The following ACTL6B variants were observed in gnomAD, a reference collection of about 807,000 sequenced individuals.
ACTL6B encodes the protein actin-like protein 6B.
ACTL6B carries 48 observed loss-of-function variants against 63.3 expected under a neutral mutation model. The observed-to-expected ratio is 0.76, with a 90% confidence interval of 0.60 to 0.96. The LOEUF is 0.96. Ranked by LOEUF, ACTL6B falls within the 50% of genes least tolerant of loss-of-function variation. The probability of loss-of-function intolerance (pLI) is 0.00; values close to 1 mark genes in which losing one functional copy is unlikely to be tolerated. For missense variants in ACTL6B, 350 were observed against 572.2 expected (o/e 0.61, Z 3.96); for synonymous variants, 230 against 223.8 (o/e 1.03, Z -0.25).
intron 4 of ACTL6B, among the ~76,000 whole-genome samples, chr7:100,654,468 A>T (rs908473311): frequency 5.3e-5 from 7 of 132,918 alleles, no homozygotes; most frequent in African/African-American, 1.8e-4. Context: ...TAATAATAAT[A>T]ATAAGTGAAA....
chr7:100,654,110 C>T (rs969628467), intron 4 of ACTL6B, among the ~76,000 whole-genome samples: 6 of 151,780 alleles, frequency 4.0e-5, no homozygotes, highest in Non-Finnish European at 7.4e-5. Context: ...GTAGCTGGGA[C>T]TACAGGTGCC....
At chr7:100,643,353 C>G (rs1234143214) in intron 13 of ACTL6B, 27 bp from the exon 14 acceptor site, 2 of 1,612,004 alleles carry the variant, frequency 1.2e-6, no homozygotes, top group Non-Finnish European at 1.7e-6. Flanking sequence ...ATATCAGGGT[C>G]AGGGTGGCCT....
chr7:100,656,307 C>G lies in ACTL6B; in HGVS notation c.25+23G>C, dbSNP rs1001428080. On this transcript the variant is annotated intron_variant, in intron 1 of 13. Coordinates refer to ENST00000160382, the MANE Select transcript of ACTL6B (RefSeq NM_016188.5). ...GGTTTGGAACGCAGGGCTGCGGGAG[C>G]CGGGGGCCCGAGGCTCGCTCACCTC... 2.9e-6 allele frequency: 4 copies of G among 1,378,594 alleles called. No homozygotes were observed. In the East Asian group the frequency reaches 1.2e-4, roughly 42 times the overall value. The allele number at this position is 1,378,594 out of a possible 1,614,324, so 85.4% of individuals were successfully genotyped here.
Position 100,647,393 on chromosome 7 carries a change from C to T in ACTL6B, c.759+51G>A, listed in dbSNP as rs1562848520. On this transcript the variant is annotated intron_variant, in intron 8 of 13. Coordinates refer to ENST00000160382, the MANE Select transcript of ACTL6B (RefSeq NM_016188.5). This position sits in a 1 kb window ranked among gnomAD's most constrained non-coding sequence, Gnocchi z 4.4. ...CCATGCGGGGCCTCTGTCCCGCCCC[C>T]GATTCATGGCAGGGGAGGGGGGTTT... 6.3e-6 allele frequency: 10 copies of T among 1,597,634 alleles called. No individual in the cohort carries two copies. The highest frequency in any genetic ancestry group is 1.1e-5 in the South Asian group (1 of 90,578).
chr7:100,655,354 G>T lies in ACTL6B; in HGVS notation c.268+67C>A. On this transcript the variant is annotated intron_variant, in intron 3 of 13. Transcript: ENST00000160382. The surrounding 1 kb of genome is among the most constrained non-coding windows in gnomAD (Gnocchi z 4.4). Reference sequence around the variant, plus strand: ...GAAGACTCCGCGGGGAGTGGGGGCTGCTATGACCCAGATTGTGGGGAGCGG... The same window carrying T: ...GAAGACTCCGCGGGGAGTGGGGGCTTCTATGACCCAGATTGTGGGGAGCGG... The T allele has an allele frequency of 6.5e-7, 1 of 1,542,962 alleles. No individual in the cohort carries two copies. Among genetic ancestry groups the T allele is most frequent in the Non-Finnish European group, 8.8e-7 (1 of 1,135,046 alleles).
chr7:100,648,362 G>T lies in ACTL6B; in HGVS notation c.669+194C>A, dbSNP rs1301056862. On this transcript the variant is annotated intron_variant, in intron 7 of 13. Coordinates refer to ENST00000160382, the MANE Select transcript of ACTL6B (RefSeq NM_016188.5). This position sits in a 1 kb window ranked among gnomAD's most constrained non-coding sequence, Gnocchi z 4.4. ...TCACACATCCTGCTGTCTGCCAGCTGGTTTCATGACCTCAGCATATCCCTC... is the reference window on the plus strand; with the variant it reads ...TCACACATCCTGCTGTCTGCCAGCTTGTTTCATGACCTCAGCATATCCCTC... The T allele has an allele frequency of 1.9e-6, 1 of 538,254 alleles. No individual in the cohort carries two copies. The highest frequency in any genetic ancestry group is 3.4e-5 in the Admixed American group (1 of 29,130). The allele number at this position is 538,254 out of a possible 1,614,324, so 33.3% of individuals were successfully genotyped here.
intron 4 of ACTL6B, among the ~76,000 whole-genome samples, chr7:100,654,553 G>A (rs1371285652): frequency 4.0e-5 from 6 of 151,784 alleles, no homozygotes; most frequent in Non-Finnish European, 1.5e-5. Flanking sequence ...GGCCAAGGCG[G>A]GTGGATCACC....
In ACTL6B at chr7:100,646,065, C is replaced by T. The variant is rs562518073; in HGVS notation, c.1200+184G>A. ...GGATGACAGGTGTGGGCCACCATAC[C>T]GGGCCCCTGCCCCCCGATTTGTGTC... On this transcript the variant is annotated intron_variant, in intron 13 of 13. Coordinates refer to ENST00000160382, the MANE Select transcript of ACTL6B (RefSeq NM_016188.5). This position sits in a 1 kb window ranked among gnomAD's most constrained non-coding sequence, Gnocchi z 6.1. Among the ~76,000 whole-genome samples the T allele has an allele frequency of 3.7e-4, 57 of 152,362 alleles. No homozygotes were observed. The highest frequency in any genetic ancestry group is 1.3e-3 in the African/African-American group (52 of 41,594).
Position 100,655,059 on chromosome 7 carries a change from G to T in ACTL6B, c.329C>A (p.Ser110Tyr). The change falls in exon 4 of 14, where the codon TCT (serine) becomes TAT (tyrosine). Residue 110 changes from serine (S) to tyrosine (Y), a missense_variant. By Grantham distance (144) the Ser-to-Tyr change is moderately radical. Coordinates refer to ENST00000160382, the MANE Select transcript of ACTL6B (RefSeq NM_016188.5). This position sits in a 1 kb window ranked among gnomAD's most constrained non-coding sequence, Gnocchi z 4.4. Reference protein sequence around the residue: ...LDHTYSKHVKSEPNLHPVLMS... With the variant: ...LDHTYSKHVKYEPNLHPVLMS... ...GAGCACTGGGTGCAGGTTTGGCTCA[G>T]ACTTGACGTGTTTGCTGTAGGTGTG... is the stretch of plus-strand genomic sequence containing the variant. 1 of 1,614,116 alleles carries T rather than the reference G, an allele frequency of 6.2e-7. No individual in the cohort carries two copies.
At chr7:100,645,785 C>T (rs779715113) in intron 13 of ACTL6B, among the ~76,000 whole-genome samples, 11 of 152,078 alleles carry the variant, frequency 7.2e-5, no homozygotes, top group Non-Finnish European at 1.6e-4. Flanking sequence ...GCATGCACCA[C>T]CATGCCTGGC....
At chr7:100,653,706 A>AT (rs1803984215) in intron 4 of ACTL6B, among the ~76,000 whole-genome samples, 1 of 152,002 alleles carries the variant, frequency 6.6e-6, no homozygotes, top group Admixed American at 6.6e-5. Context: ...AACAACAACA[A>AT]CAAAACCCAC....
rs1803845490 is a variant in ACTL6B, at chr7:100,647,422, G to A, written c.759+22C>T. ...TCATGGCAGGGGAGGGGGGTTTCAGGTGGCCCTCTCCAGAGGCTCACATTA... is the reference window on the plus strand; with the variant it reads ...TCATGGCAGGGGAGGGGGGTTTCAGATGGCCCTCTCCAGAGGCTCACATTA... On this transcript the variant is annotated intron_variant, in intron 8 of 13. Transcript: ENST00000160382. This position sits in a 1 kb window ranked among gnomAD's most constrained non-coding sequence, Gnocchi z 4.4. The A allele has an allele frequency of 3.1e-6, 5 of 1,608,468 alleles. No individual in the cohort carries two copies. Among genetic ancestry groups the A allele is most frequent in the Non-Finnish European group, 4.3e-6 (5 of 1,175,630 alleles).
chr7:100,645,851 C>T (rs1403318616), intron 13 of ACTL6B, among the ~76,000 whole-genome samples: 1 of 152,250 alleles, frequency 6.6e-6, no homozygotes, highest in Non-Finnish European at 1.5e-5. Flanking sequence ...AGGCTGGTCT[C>T]GAACTCCTGA....
At chr7:100,656,230 G>C (rs567617154) in intron 1 of ACTL6B, 100 bp downstream of exon 1, 1 of 1,283,750 alleles carries the variant, frequency 7.8e-7, no homozygotes, top group African/African-American at 1.6e-5. Flanking sequence ...CGACCCGCTC[G>C]TGCGCGGAGG....
chr7:100,655,691 A>T lies in ACTL6B; in HGVS notation c.103-105T>A. The T allele has an allele frequency of 6.6e-7, 1 of 1,512,818 alleles. No individual in the cohort carries two copies. The highest frequency in any genetic ancestry group is 8.9e-7 in the Non-Finnish European group (1 of 1,125,462). The allele number at this position is 1,512,818 out of a possible 1,614,324, so 93.7% of individuals were successfully genotyped here. On this transcript the variant is annotated intron_variant, in intron 2 of 13. Transcript: ENST00000160382. This position sits in a 1 kb window ranked among gnomAD's most constrained non-coding sequence, Gnocchi z 4.4. ...TCAGACCGCCCCTGGGTTTATTCCCATATTCCCGCTCAGCAGAGCTTCTGG... is the reference window on the plus strand; with the variant it reads ...TCAGACCGCCCCTGGGTTTATTCCCTTATTCCCGCTCAGCAGAGCTTCTGG...
chr7:100,649,313 ATT>A (rs567700079), intron 5 of ACTL6B, among the ~76,000 whole-genome samples: 2 of 128,466 alleles, frequency 1.6e-5, no homozygotes, highest in Admixed American at 8.2e-5. Context: ...TTCTTTAGTT[ATT>A]TTTTTTTTTT....
rs1382013074 is a variant in ACTL6B, at chr7:100,646,298, A to G, written c.1151T>C (p.Met384Thr). ...GATCCAGGGGCTGAACTTGCGCTCC[A>G]TGGTGCTGTTGCTGGCAATGAGTTT... ...RLKLIASNST[M>T]ERKFSPWIGG... The change falls in exon 13 of 14, where the codon ATG (methionine) becomes ACG (threonine). Residue 384 changes from methionine (M) to threonine (T), a missense_variant. Transcript: ENST00000160382. The surrounding 1 kb of genome is among the most constrained non-coding windows in gnomAD (Gnocchi z 6.1). 5 of 1,614,052 alleles carry G rather than the reference A, an allele frequency of 3.1e-6. No homozygotes were observed. The highest frequency in any genetic ancestry group is 1.7e-5 in the Admixed American group (1 of 59,990).
intron 4 of ACTL6B, among the ~76,000 whole-genome samples, chr7:100,652,083 G>A (rs1240728977): frequency 1.3e-5 from 2 of 151,798 alleles, no homozygotes; most frequent in African/African-American, 4.8e-5. Context: ...GTGGGCTCCT[G>A]AAGAAATTTC....
chr7:100,649,593 T>C (rs1803894302), intron 5 of ACTL6B, among the ~76,000 whole-genome samples: 1 of 152,186 alleles, frequency 6.6e-6, no homozygotes, highest in South Asian at 2.1e-4. Flanking sequence ...CCACCGCGCC[T>C]GGCCAGCCCC....
Sources: gnomAD v4.1 joint callset for allele counts (sites outside exome capture counted in the v4.1 genomes callset) on GRCh38, gnomAD v4.1.1 for gene constraint, Gnocchi (gnomAD v3.1) non-coding constraint, MANE v1.5 for transcripts, NCBI Gene and HGNC (gene_info 2026-07-23, HGNC 2026-07-21) for gene names.